VPS41: variants seen among roughly 807,000 people sequenced by gnomAD.
VPS41 encodes vacuolar protein sorting-associated protein 41 homolog.
VPS41 carries 85 observed loss-of-function variants against 130.9 expected under a neutral mutation model. The observed-to-expected ratio is 0.65, with a 90% confidence interval of 0.55 to 0.78. The LOEUF (loss-of-function observed/expected upper bound fraction) is 0.78, where lower values mean the gene tolerates loss of function less well. Ranked by LOEUF, VPS41 falls within the 30% of genes least tolerant of loss-of-function variation. The probability of loss-of-function intolerance (pLI) is 0.00; values close to 1 mark genes in which losing one functional copy is unlikely to be tolerated. For synonymous variants in VPS41, 335 were observed against 332.9 expected (o/e 1.01, Z -0.07); for missense variants, 874 against 1,018.7 (o/e 0.86, Z 1.93).
At chr7:38,775,491 A>C (rs745594215) in intron 11 of VPS41, 4 of 151,966 alleles carry the variant, frequency 2.6e-5, no homozygotes, top group Non-Finnish European at 4.4e-5. Flanking sequence ...ATTTCTTCCA[A>C]TCACATTCTC....
intron 3 of VPS41, among the ~76,000 whole-genome samples, chr7:38,864,395 C>T (rs1000965300): frequency 6.6e-6 from 1 of 151,972 alleles, no homozygotes; most frequent in African/African-American, 2.4e-5. Flanking sequence ...ATTATTTTGA[C>T]TTTACAGTCT....
intron 1 of VPS41, 28 bp from the exon 2 acceptor site, chr7:38,898,157 C>T (rs1366719305): frequency 6.3e-7 from 1 of 1,594,042 alleles, no homozygotes; most frequent in Non-Finnish European, 8.6e-7. Flanking sequence ...AGAAAATGGT[C>T]AGAAGAGATG....
intron 19 of VPS41, 21 bp downstream of exon 19, chr7:38,756,817 C>T (rs753168208): frequency 3.2e-5 from 47 of 1,464,262 alleles, no homozygotes; most frequent in Non-Finnish European, 4.2e-5. Context: ...ATTGACAGTA[C>T]TAAAATAAAA....
intron 10 of VPS41, among the ~76,000 whole-genome samples, chr7:38,780,720 G>A (rs980674870): frequency 6.6e-6 from 1 of 152,162 alleles, no homozygotes; most frequent in African/African-American, 2.4e-5. Flanking sequence ...GCTATAGCTT[G>A]GATGTGTGGC....
chr7:38,748,346 A>C (rs1184193211), intron 22 of VPS41, among the ~76,000 whole-genome samples: 1 of 152,214 alleles, frequency 6.6e-6, no homozygotes, highest in Non-Finnish European at 1.5e-5. Flanking sequence ...TTTAGTATGA[A>C]GGTAAAGAAT....
intron 2 of VPS41, among the ~76,000 whole-genome samples, chr7:38,878,755 T>C (rs1436285045): frequency 3.3e-5 from 5 of 152,190 alleles, no homozygotes; most frequent in Non-Finnish European, 7.3e-5. Context: ...AAGCTTTCAG[T>C]AAATACAAAG....
rs17171469 is a variant in VPS41, at chr7:38,825,292, G to A, written c.322-4027C>T. On this transcript the variant is annotated intron_variant, in intron 5 of 28. Transcript: ENST00000310301. Reference sequence around the variant, plus strand: ...CAATATAAAAAACATATAACTTCACGAGACAAATCTCATAAGCTTTGTCAG... The same window carrying A: ...CAATATAAAAAACATATAACTTCACAAGACAAATCTCATAAGCTTTGTCAG... Among the ~76,000 whole-genome samples, 859 of 152,188 alleles carry A rather than the reference G, an allele frequency of 5.6e-3. 11 individuals are homozygous for A. The highest frequency in any genetic ancestry group is 0.02 in the African/African-American group (815 of 41,516).
chr7:38,877,807 A>T (rs1160098613), intron 2 of VPS41, among the ~76,000 whole-genome samples: 14 of 152,210 alleles, frequency 9.2e-5, no homozygotes. Context: ...ACATATTCTG[A>T]TTTGTTTCAA....
At chr7:38,845,316 C>T (rs1385731289) in intron 4 of VPS41, among the ~76,000 whole-genome samples, 1 of 152,156 alleles carries the variant, frequency 6.6e-6, no homozygotes, top group Non-Finnish European at 1.5e-5. Context: ...TGCCAGAGAC[C>T]GTGCTGGATA....
intron 18 of VPS41, 107 bp from the exon 19 acceptor site, chr7:38,757,089 A>G: frequency 1.2e-6 from 1 of 866,726 alleles, no homozygotes; most frequent in East Asian, 2.6e-5. Context: ...TCCTTTAGAG[A>G]GAAAAGTTAA....
At chr7:38,900,991 A>G (rs1787127950) in intron 1 of VPS41, among the ~76,000 whole-genome samples, 2 of 152,246 alleles carry the variant, frequency 1.3e-5, no homozygotes, top group African/African-American at 4.8e-5. Context: ...CTGAACTTTG[A>G]GAAAGGTAAC....
At chr7:38,817,248 A>G (rs545694628) in intron 7 of VPS41, among the ~76,000 whole-genome samples, 2 of 152,196 alleles carry the variant, frequency 1.3e-5, no homozygotes, top group East Asian at 3.9e-4. Context: ...GGGAGGGGCA[A>G]TGTTTCAAAG....
At chr7:38,881,081 T>A (rs900245341) in intron 2 of VPS41, among the ~76,000 whole-genome samples, 2 of 152,154 alleles carry the variant, frequency 1.3e-5, no homozygotes, top group South Asian at 4.1e-4. Flanking sequence ...GTAAAAAAAA[T>A]GTGACAAACT....
chr7:38,862,385 C>T lies in VPS41; in HGVS notation c.246+160G>A, dbSNP rs183776325. 1.3e-3 allele frequency among the ~76,000 whole-genome samples: 192 copies of T among 152,176 alleles called. 2 individuals are homozygous for T. Among genetic ancestry groups the T allele is most frequent in the African/African-American group, 4.3e-3 (177 of 41,520 alleles). On this transcript the variant is annotated intron_variant, in intron 4 of 28. Transcript: ENST00000310301. ...CTTTATAAGTTCACCTTTAAGTTTT[C>T]AGAATATATTATAAAGTTCAAATTT...
At chr7:38,907,371 G>A (rs957194284) in intron 1 of VPS41, among the ~76,000 whole-genome samples, 4 of 152,222 alleles carry the variant, frequency 2.6e-5, no homozygotes, top group Admixed American at 2.0e-4. Context: ...TGGGAAAAAT[G>A]AGGTCAAGAA....
chr7:38,745,594 T>C lies in VPS41; in HGVS notation c.1946A>G (p.Gln649Arg). 6.2e-7 allele frequency: 1 copy of C among 1,606,948 alleles called. No homozygotes were observed. The highest frequency in any genetic ancestry group is 8.5e-7 in the Non-Finnish European group (1 of 1,178,172). The change falls in exon 23 of 29, where the codon CAG (glutamine) becomes CGG (arginine). Residue 649 changes from glutamine (Q) to arginine (R), a missense_variant. Transcript: ENST00000310301. ...AACTGTCTCTTCTACAAAGTTTCTC[T>C]GTTGACAGATCTCAAGAGCCTTCAA... ...PLEKALEICQ[Q>R]RNFVEETVYL...
chr7:38,873,166 T>C (rs570681468), intron 2 of VPS41, among the ~76,000 whole-genome samples: 1 of 152,336 alleles, frequency 6.6e-6, no homozygotes, highest in Non-Finnish European at 1.5e-5. Context: ...TTACGGGGTT[T>C]CAAAAACCAT....
chr7:38,870,813 T>C (rs927516905), intron 2 of VPS41, among the ~76,000 whole-genome samples: 2 of 101,926 alleles, frequency 2.0e-5, no homozygotes, highest in African/African-American at 6.6e-5. Flanking sequence ...TCAACAGAAT[T>C]CTAATCTGTT....
At chr7:38,740,327 A>AT (rs778394695) in intron 25 of VPS41, among the ~76,000 whole-genome samples, 11 of 152,162 alleles carry the variant, frequency 7.2e-5, no homozygotes, top group Admixed American at 1.3e-4. Context: ...TCAGAGGCTT[A>AT]TAAGTTCTGA....
Sources: gnomAD v4.1 joint callset for allele counts (sites outside exome capture counted in the v4.1 genomes callset) on GRCh38, gnomAD v4.1.1 for gene constraint, MANE v1.5 for transcripts, NCBI Gene and HGNC (gene_info 2026-07-23, HGNC 2026-07-21) for gene names.